Variants in GLI2 observed in about 807,000 individuals in gnomAD.
GLI2 encodes GLI family zinc finger 2, also known as transcription activator GLI2.
In GLI2, 22 loss-of-function variants were observed where a neutral mutation model predicts 78.9. The observed-to-expected ratio is 0.28, with a 90% CI of 0.20 to 0.40. The LOEUF (loss-of-function observed/expected upper bound fraction) is 0.40, where lower values mean the gene tolerates loss of function less well. Ranked by LOEUF, GLI2 falls within the 10% of genes least tolerant of loss-of-function variation. The pLI is 1.00. For synonymous variants in GLI2, 974 were observed against 963.7 expected (o/e 1.01, Z -0.20); for missense variants, 2,097 against 2,213.2 (o/e 0.95, Z 1.05).
chr2:120,798,839 C>CT (rs1684545247), intron 2 of GLI2, among the ~76,000 whole-genome samples: 1 of 152,190 alleles, frequency 6.6e-6, no homozygotes, highest in Admixed American at 6.5e-5. Context: ...CAGGGCCATC[C>CT]TTGGCCTGTG....
chr2:120,807,801 C>G (rs945363057), intron 2 of GLI2, among the ~76,000 whole-genome samples: 1 of 152,048 alleles, frequency 6.6e-6, no homozygotes, highest in Non-Finnish European at 1.5e-5. Context: ...CACACGTGGA[C>G]GCTGGTAACT....
In GLI2 at chr2:120,790,536, G is replaced by A. The variant is rs544030544; in HGVS notation, c.-30-6755G>A. ...CTGGAGTGGTGGAAGAGGGACCAGC[G>A]CAGGTAGGAGCTTGCGGTTCCCCTC... is the stretch of plus-strand genomic sequence containing the variant. On this transcript the variant is annotated intron_variant, in intron 1 of 13. Transcript: ENST00000361492. Among the ~76,000 whole-genome samples the A allele has an allele frequency of 2.6e-5, 4 of 152,294 alleles. No individual in the cohort carries two copies. In the East Asian group the frequency reaches 7.7e-4, roughly 29 times the overall value.
Position 120,957,407 on chromosome 2 carries a change from A to G in GLI2, c.643+1977A>G, listed in dbSNP as rs554751437. 1.3e-4 allele frequency among the ~76,000 whole-genome samples: 20 copies of G among 152,352 alleles called. No individual in the cohort carries two copies. In the South Asian group the frequency reaches 2.1e-3, roughly 16 times the overall value. ...CAGCAGCCCTACACGGTGCTCCCAC[A>G]AGCCACAGTGAGGTGTCAGAGATAC... On this transcript the variant is annotated intron_variant, in intron 5 of 13. Transcript: ENST00000361492.
Position 120,927,419 on chromosome 2 carries a change from G to C in GLI2, c.207G>C (p.Gln69His), listed in dbSNP as rs1679738001. 6.2e-7 allele frequency: 1 copy of C among 1,614,064 alleles called. No homozygotes were observed. The change falls in exon 3 of 14, where the codon CAG (glutamine) becomes CAC (histidine). Residue 69 changes from glutamine (Q) to histidine (H), a missense_variant. Coordinates refer to ENST00000361492, the MANE Select transcript of GLI2 (RefSeq NM_001374353.1). ...CCCTACCGATTGACATGCGACACCA[G>C]GAAGGAAGGTACCATTACGAGCCTC... ...HAPLPIDMRHQEGRYHYEPHS... is the reference protein window; with the variant it reads ...HAPLPIDMRHHEGRYHYEPHS...
At chr2:120,848,065 G>A (rs1480487613) in intron 2 of GLI2, among the ~76,000 whole-genome samples, 1 of 152,230 alleles carries the variant, frequency 6.6e-6, no homozygotes, top group Non-Finnish European at 1.5e-5. Context: ...TGTGGGAAGA[G>A]GGAGAAGGCA....
intron 2 of GLI2, among the ~76,000 whole-genome samples, chr2:120,878,914 C>T (rs540876409): frequency 4.0e-5 from 6 of 151,356 alleles, no homozygotes; most frequent in Non-Finnish European, 8.8e-5. Context: ...GGTGACAGAG[C>T]GAGACTCCAT....
intron 2 of GLI2, among the ~76,000 whole-genome samples, chr2:120,809,850 C>G (rs941463832): frequency 6.6e-6 from 1 of 152,134 alleles, no homozygotes; most frequent in Non-Finnish European, 1.5e-5. Flanking sequence ...AGTAAATCAC[C>G]GAGAAAGAGC....
chr2:120,759,582 G>A (rs1415944222), intron 1 of GLI2, among the ~76,000 whole-genome samples: 2 of 152,188 alleles, frequency 1.3e-5, no homozygotes, highest in African/African-American at 4.8e-5. Context: ...GAGCCTCCAT[G>A]CCCTTTTGGG....
chr2:120,876,909 C>G (rs1288093806), intron 2 of GLI2, among the ~76,000 whole-genome samples: 2 of 152,246 alleles, frequency 1.3e-5, no homozygotes, highest in Non-Finnish European at 2.9e-5. Flanking sequence ...CTGTAGGTTC[C>G]TTGTTTAATA....
intron 1 of GLI2, among the ~76,000 whole-genome samples, chr2:120,773,448 G>A (rs1483159530): frequency 1.3e-5 from 2 of 152,144 alleles, no homozygotes; most frequent in African/African-American, 4.8e-5. Context: ...AGCCGTTGGG[G>A]GCTCCTCATT....
At chr2:120,768,818 TGTGTGTGTGTGC>T (rs1293150676) in intron 1 of GLI2, among the ~76,000 whole-genome samples, 4 of 151,934 alleles carry the variant, frequency 2.6e-5, no homozygotes, top group African/African-American at 9.7e-5. Context: ...TGTGTGTGTG[TGTGTGTGTGTGC>T]GTGTGTGTGC....
chr2:120,979,404 C>T (rs904492167), intron 10 of GLI2, among the ~76,000 whole-genome samples: 1 of 152,160 alleles, frequency 6.6e-6, no homozygotes, highest in Non-Finnish European at 1.5e-5. Flanking sequence ...CAAATGCACA[C>T]GTGGTTTCAG....
chr2:120,941,783 C>T (rs1422527191), intron 3 of GLI2, among the ~76,000 whole-genome samples: 1 of 152,234 alleles, frequency 6.6e-6, no homozygotes, highest in Non-Finnish European at 1.5e-5. Flanking sequence ...GGCATCTTGG[C>T]CCAAAGGCAG....
intron 5 of GLI2, among the ~76,000 whole-genome samples, chr2:120,960,912 G>A (rs1681521025): frequency 1.3e-5 from 2 of 152,232 alleles, no homozygotes; most frequent in African/African-American, 4.8e-5. Flanking sequence ...CTGATTTACA[G>A]CAGGAAGACA....
chr2:120,796,241 G>T (rs1429085331), intron 1 of GLI2, among the ~76,000 whole-genome samples: 2 of 152,054 alleles, frequency 1.3e-5, no homozygotes, highest in African/African-American at 4.8e-5. Context: ...TCCTTATCTA[G>T]TCTGTAGCCT....
chr2:120,950,182 G>A (rs899243159), intron 3 of GLI2, among the ~76,000 whole-genome samples: 1 of 152,224 alleles, frequency 6.6e-6, no homozygotes, highest in African/African-American at 2.4e-5. Context: ...GGAAACTGAG[G>A]CTCGGAGAGG....
At chr2:120,950,981 G>A (rs913852755) in intron 3 of GLI2, among the ~76,000 whole-genome samples, 1 of 152,240 alleles carries the variant, frequency 6.6e-6, no homozygotes, top group South Asian at 2.1e-4. Flanking sequence ...TCGCGGGTGC[G>A]AGGTCCATTC....
At position 120,901,102 on chromosome 2, in the gene GLI2, C is replaced by A. The variant is rs745462265; in HGVS notation, c.149-26259C>A. On this transcript the variant is annotated intron_variant, in intron 2 of 13. Transcript: ENST00000361492. ...ATGTGTATTTTCTTTCAAAATAAAG[C>A]CACTTAAGCTTTACCAAAATGCACT... Among the ~76,000 whole-genome samples the A allele has an allele frequency of 3.9e-5, 6 of 152,270 alleles. No individual in the cohort carries two copies. In the South Asian group the frequency reaches 8.3e-4, roughly 21 times the overall value.
intron 1 of GLI2, among the ~76,000 whole-genome samples, chr2:120,755,622 A>G (rs1573345913): frequency 6.6e-6 from 1 of 152,092 alleles, no homozygotes; most frequent in African/African-American, 2.4e-5. Flanking sequence ...TCTTGTATAT[A>G]TCATGCATTT....
Sources: allele counts gnomAD v4.1 joint callset (sites outside exome capture counted in the v4.1 genomes callset), GRCh38; gene constraint gnomAD v4.1.1; transcripts MANE v1.5; gene names NCBI Gene and HGNC (gene_info 2026-07-23, HGNC 2026-07-21).